The following SLC25A21 variants were observed in gnomAD, a reference collection of about 807,000 sequenced individuals.
SLC25A21 encodes mitochondrial 2-oxodicarboxylate carrier.
Under a neutral mutation model 43.8 loss-of-function variants are expected in SLC25A21, and 47 were observed. That is an observed-to-expected ratio of 1.07 (90% CI 0.85 to 1.37). The LOEUF is 1.37. Among genes scored for constraint, SLC25A21 ranks in the 40% most tolerant of loss-of-function variants. The pLI, the probability that SLC25A21 is intolerant of heterozygous loss-of-function variation, is 0.00. For missense variants in SLC25A21, 352 were observed against 350.2 expected, an observed-to-expected ratio of 1.00 and a Z score of -0.04; for synonymous variants, 131 against 121.3, an observed-to-expected ratio of 1.08 and a Z score of -0.52.
intron 1 of SLC25A21, among the ~76,000 whole-genome samples, chr14:37,019,851 T>C (rs544299445): frequency 4.0e-5 from 6 of 151,628 alleles, no homozygotes; most frequent in African/African-American, 1.2e-4. Flanking sequence ...CCACAGCAAG[T>C]TTTTTTAAAA....
chr14:37,025,989 G>T (rs1331734561), intron 1 of SLC25A21, among the ~76,000 whole-genome samples: 2 of 152,042 alleles, frequency 1.3e-5, no homozygotes, highest in Non-Finnish European at 2.9e-5. Context: ...ACTTTACGAT[G>T]GGAGTCGGGA....
intron 1 of SLC25A21, among the ~76,000 whole-genome samples, chr14:37,165,374 C>CT (rs936282754): frequency 1.3e-5 from 2 of 149,128 alleles, no homozygotes; most frequent in African/African-American, 5.0e-5. Context: ...GAGACTCCGT[C>CT]TCAAAAAAAA....
intron 1 of SLC25A21, among the ~76,000 whole-genome samples, chr14:37,030,818 A>T (rs555273652): frequency 6.6e-6 from 1 of 152,294 alleles, no homozygotes; most frequent in Admixed American, 6.5e-5. Context: ...AATATAGGTT[A>T]CAGTCCTGGA....
At chr14:36,927,389 C>T (rs1892161357) in intron 1 of SLC25A21, among the ~76,000 whole-genome samples, 1 of 152,178 alleles carries the variant, frequency 6.6e-6, no homozygotes, top group Non-Finnish European at 1.5e-5. Flanking sequence ...AGAGTGATAA[C>T]CTGAACCTAT....
At chr14:37,063,516 A>T (rs1332818738) in intron 1 of SLC25A21, among the ~76,000 whole-genome samples, 2 of 151,928 alleles carry the variant, frequency 1.3e-5, no homozygotes, top group African/African-American at 4.8e-5. Context: ...TCACCTGGGT[A>T]TCCTTGAGCA....
At chr14:37,056,055 CCTTCACTCTCT>C (rs1261395736) in intron 1 of SLC25A21, among the ~76,000 whole-genome samples, 1 of 152,112 alleles carries the variant, frequency 6.6e-6, no homozygotes, top group African/African-American at 2.4e-5. Flanking sequence ...AGCACATCCT[CCTTCACTCTCT>C]CTTCCTCCTG....
At chr14:37,122,703 A>T (rs75128371) in intron 1 of SLC25A21, among the ~76,000 whole-genome samples, 8,607 of 152,216 alleles carry the variant, frequency 0.057, 823 homozygotes, top group African/African-American at 0.2. Flanking sequence ...ATTTAACTCC[A>T]TTTGGATATA....
chr14:36,816,896 T>C (rs1195227415), intron 2 of SLC25A21, among the ~76,000 whole-genome samples: 4 of 152,176 alleles, frequency 2.6e-5, no homozygotes, highest in African/African-American at 7.2e-5. Flanking sequence ...TGCATATTTG[T>C]AACCTATATT....
At chr14:36,707,458 C>T (rs1355831429) in intron 7 of SLC25A21, among the ~76,000 whole-genome samples, 5 of 152,150 alleles carry the variant, frequency 3.3e-5, no homozygotes, top group South Asian at 4.1e-4. Flanking sequence ...CCACATTTTA[C>T]GCACAGCATT....
intron 1 of SLC25A21, among the ~76,000 whole-genome samples, chr14:36,944,315 G>A (rs1303716430): frequency 6.6e-6 from 1 of 152,296 alleles, no homozygotes; most frequent in South Asian, 2.1e-4. Context: ...GTCCCAGTGG[G>A]CTTTGAGAAA....
chr14:36,689,289 C>G (rs1025141404), intron 7 of SLC25A21, among the ~76,000 whole-genome samples: 1 of 152,190 alleles, frequency 6.6e-6, no homozygotes, highest in Non-Finnish European at 1.5e-5. Flanking sequence ...CTCCATGATT[C>G]AACCATCTCC....
intron 1 of SLC25A21, among the ~76,000 whole-genome samples, chr14:36,951,387 T>C (rs982874956): frequency 1.3e-5 from 2 of 152,182 alleles, no homozygotes; most frequent in Non-Finnish European, 2.9e-5. Context: ...TGACTAGTTA[T>C]ATTATTTCCA....
chr14:37,101,447 A>T (rs1376542422), intron 1 of SLC25A21, among the ~76,000 whole-genome samples: 1 of 152,236 alleles, frequency 6.6e-6, no homozygotes, highest in Non-Finnish European at 1.5e-5. Context: ...ATGACAAGAA[A>T]TGCCAGTGGA....
At chr14:36,852,422 A>C (rs1233972389) in intron 2 of SLC25A21, among the ~76,000 whole-genome samples, 1 of 152,182 alleles carries the variant, frequency 6.6e-6, no homozygotes, top group Non-Finnish European at 1.5e-5. Flanking sequence ...TTCACACTTC[A>C]TGTTGTATCT....
At chr14:36,743,025 T>C (rs909892899) in intron 3 of SLC25A21, among the ~76,000 whole-genome samples, 1 of 152,182 alleles carries the variant, frequency 6.6e-6, no homozygotes, top group Non-Finnish European at 1.5e-5. Flanking sequence ...TACAAAAATT[T>C]ATTGTAGCTG....
chr14:37,044,814 GT>G (rs1961553599), intron 1 of SLC25A21, among the ~76,000 whole-genome samples: 2 of 152,072 alleles, frequency 1.3e-5, no homozygotes, highest in Admixed American at 1.3e-4. Flanking sequence ...AACTTTTTTG[GT>G]TTCTAAATTT....
At chr14:36,992,696 T>G (rs1566797937) in intron 1 of SLC25A21, among the ~76,000 whole-genome samples, 2 of 152,154 alleles carry the variant, frequency 1.3e-5, no homozygotes, top group African/African-American at 4.8e-5. Context: ...TCCAGGAACT[T>G]GTTTTGCCAT....
intron 3 of SLC25A21, among the ~76,000 whole-genome samples, chr14:36,774,080 G>A (rs1886726410): frequency 6.6e-6 from 1 of 152,138 alleles, no homozygotes; most frequent in Non-Finnish European, 1.5e-5. Context: ...GGAACTTCTA[G>A]GAGTGCTTTC....
At chr14:36,765,529 T>C (rs1382960639) in intron 3 of SLC25A21, among the ~76,000 whole-genome samples, 1 of 152,200 alleles carries the variant, frequency 6.6e-6, no homozygotes, top group Non-Finnish European at 1.5e-5. Flanking sequence ...TAGAAGATGG[T>C]TGCCAGAGAG....
Sources: gnomAD v4.1 joint callset for allele counts (sites outside exome capture counted in the v4.1 genomes callset) on GRCh38, gnomAD v4.1.1 for gene constraint, MANE v1.5 for transcripts, NCBI Gene and HGNC (gene_info 2026-07-23, HGNC 2026-07-21) for gene names.